Variants in RAB11FIP4 observed in about 807,000 individuals in gnomAD.
RAB11FIP4 encodes the protein RAB11 family interacting protein 4.
Under a neutral mutation model 74.3 loss-of-function variants are expected in RAB11FIP4, and 23 were observed. The observed-to-expected ratio is 0.31, with a 90% confidence interval of 0.22 to 0.44. The LOEUF is 0.44. Ranked by LOEUF, RAB11FIP4 falls within the 20% of genes least tolerant of loss-of-function variation. RAB11FIP4 has a pLI of 1.00. For synonymous variants in RAB11FIP4, 360 were observed against 359.9 expected (o/e 1.00, Z 0.00); for missense variants, 630 against 863.9 (o/e 0.73, Z 3.39).
intron 3 of RAB11FIP4, among the ~76,000 whole-genome samples, chr17:31,491,225 T>C (rs534343950): frequency 1.3e-5 from 2 of 152,242 alleles, no homozygotes; most frequent in Non-Finnish European, 2.9e-5. Flanking sequence ...ACACGGAGGC[T>C]TCCCCATTTC....
intron 3 of RAB11FIP4, among the ~76,000 whole-genome samples, chr17:31,468,031 A>C (rs1213915244): frequency 6.6e-6 from 1 of 152,134 alleles, no homozygotes; most frequent in African/African-American, 2.4e-5. Flanking sequence ...GAGCAGGTTT[A>C]TTCGGGGTGA....
In RAB11FIP4 at chr17:31,420,333, C is replaced by T. The variant is rs143956008; in HGVS notation, c.160-11480C>T. On this transcript the variant is annotated intron_variant, in intron 1 of 14. Transcript: ENST00000621161. ...GCAGCCTTGACCTCCCTGGCTCAAG[C>T]GATCCTCCCACCTCACCCAACCCCG... Among the ~76,000 whole-genome samples, 1,333 of 152,154 alleles carry T rather than the reference C, an allele frequency of 8.8e-3. 32 individuals are homozygous for T. Among genetic ancestry groups the T allele is most frequent in the Admixed American group, 0.039 (601 of 15,278 alleles).
At chr17:31,527,654 C>T in intron 10 of RAB11FIP4, 188 bp from the exon 11 acceptor site, 1 of 533,766 alleles carries the variant, frequency 1.9e-6, no homozygotes, top group East Asian at 3.1e-5. Context: ...ATAGTCCTTA[C>T]TATTTTGCTT....
At position 31,527,717 on chromosome 17, in the gene RAB11FIP4, T is replaced by G. The variant is rs901308417; in HGVS notation, c.1275-125T>G. On this transcript the variant is annotated intron_variant, in intron 10 of 14. Coordinates refer to ENST00000621161, the MANE Select transcript of RAB11FIP4 (RefSeq NM_032932.6). ...TGTCTTTGACATAATAATCATATTCTTTCTCTCAGTTGGTTTCTGGTATCT... is the reference window on the plus strand; with the variant it reads ...TGTCTTTGACATAATAATCATATTCGTTCTCTCAGTTGGTTTCTGGTATCT... 4.5e-6 allele frequency: 3 copies of G among 666,622 alleles called. No individual in the cohort carries two copies. The Admixed American group carries it at 9.1e-5, about 20-fold the overall frequency. 41.3% of individuals were successfully genotyped at this position (666,622 alleles called of 1,614,324 possible).
chr17:31,425,830 G>A (rs2071243840), intron 1 of RAB11FIP4, among the ~76,000 whole-genome samples: 1 of 152,194 alleles, frequency 6.6e-6, no homozygotes. Flanking sequence ...GCCCAGCCAC[G>A]CATGGTGTGT....
intron 3 of RAB11FIP4, among the ~76,000 whole-genome samples, chr17:31,499,251 G>T (rs1481340632): frequency 6.6e-6 from 1 of 152,182 alleles, no homozygotes; most frequent in South Asian, 2.1e-4. Context: ...CCAACTTTTT[G>T]TGTGACTCCA....
At chr17:31,447,140 C>T (rs377032715) in intron 3 of RAB11FIP4, among the ~76,000 whole-genome samples, 94 of 152,270 alleles carry the variant, frequency 6.2e-4, no homozygotes, top group African/African-American at 1.9e-3. Context: ...AAAAATTAGC[C>T]GGGCGTGGTG....
At chr17:31,436,190 C>T (rs553188490) in intron 3 of RAB11FIP4, among the ~76,000 whole-genome samples, 5 of 152,280 alleles carry the variant, frequency 3.3e-5, no homozygotes, top group Middle Eastern at 3.4e-3. Context: ...CCCCGCTGAG[C>T]GTCAGTGTCC....
intron 14 of RAB11FIP4, among the ~76,000 whole-genome samples, chr17:31,531,361 C>G (rs1183390328): frequency 6.6e-6 from 1 of 152,170 alleles, no homozygotes. Context: ...ACACCTGGGC[C>G]CCCTCTACAA....
At chr17:31,487,049 G>T (rs2071911442) in intron 3 of RAB11FIP4, among the ~76,000 whole-genome samples, 1 of 152,178 alleles carries the variant, frequency 6.6e-6, no homozygotes, top group Non-Finnish European at 1.5e-5. Context: ...CACTGGTCCT[G>T]CCCGTACCAA....
intron 10 of RAB11FIP4, chr17:31,527,427 C>A: frequency 6.3e-6 from 1 of 158,904 alleles, no homozygotes; most frequent in Non-Finnish European, 1.4e-5. Context: ...CATGGCAAAA[C>A]CCGTCTCTAC....
At chr17:31,500,519 T>C (rs1301418632) in intron 3 of RAB11FIP4, among the ~76,000 whole-genome samples, 4 of 152,320 alleles carry the variant, frequency 2.6e-5, no homozygotes, top group Middle Eastern at 3.4e-3. Flanking sequence ...GCTCCTTGTG[T>C]GAGGGCCTGT....
chr17:31,468,014 G>A (rs1253974215), intron 3 of RAB11FIP4, among the ~76,000 whole-genome samples: 1 of 152,230 alleles, frequency 6.6e-6, no homozygotes, highest in Non-Finnish European at 1.5e-5. Flanking sequence ...AAGGGGAAGG[G>A]GACAGAGAGC....
intron 3 of RAB11FIP4, chr17:31,488,426 C>T: frequency 1.2e-6 from 1 of 850,062 alleles, no homozygotes; most frequent in African/African-American, 1.8e-5. Context: ...GTAGAAGCCG[C>T]TGCCAGGTGC....
intron 3 of RAB11FIP4, among the ~76,000 whole-genome samples, chr17:31,455,941 A>G (rs1380050194): frequency 1.3e-5 from 2 of 152,198 alleles, no homozygotes; most frequent in Non-Finnish European, 2.9e-5. Context: ...TCCTGGGCTT[A>G]CAGGCAGAGG....
rs1019764809 is a variant in RAB11FIP4, at chr17:31,402,839, A to C, written c.159+10828A>C. Among the ~76,000 whole-genome samples the C allele has an allele frequency of 2.9e-3, 434 of 151,500 alleles. 4 individuals are homozygous for C. The highest frequency in any genetic ancestry group is 1.2e-3 in the Non-Finnish European group (81 of 67,866). ...ACGGGGTTTCACCGTGTTAGCCAGG[A>C]TGGTCTCGATCTCCTGACCTTGTGA... On this transcript the variant is annotated intron_variant, in intron 1 of 14. Transcript: ENST00000621161.
chr17:31,501,666 C>A (rs560765507), intron 3 of RAB11FIP4: 134 of 154,020 alleles, frequency 8.7e-4, no homozygotes, highest in Non-Finnish European at 1.6e-3. Context: ...GTAGCTGGGA[C>A]TACAGGCGCC....
In RAB11FIP4 at chr17:31,439,685, A is replaced by C. The variant is rs542489123; in HGVS notation, c.336+5563A>C. The stretch of plus-strand genomic sequence containing the variant: ...GAGTGCAGTGGCTCAATCTCAGCTC[A>C]CTGCAACCTCTGCCTCCCGGGCTCA... On this transcript the variant is annotated intron_variant, in intron 3 of 14. Transcript: ENST00000621161. Among the ~76,000 whole-genome samples, 5 of 152,180 alleles carry C rather than the reference A, an allele frequency of 3.3e-5. No individual in the cohort carries two copies. In the South Asian group the frequency reaches 8.3e-4, roughly 25 times the overall value.
At position 31,391,881 on chromosome 17, in the gene RAB11FIP4, C is replaced by T. The variant is rs1181096065; in HGVS notation, c.29C>T (p.Ala10Val). MAGGAGWSGAPAALLRSVRR... is the reference protein window; with the variant it reads MAGGAGWSGVPAALLRSVRR... ...GCGGGCGGCGCGGGCTGGTCGGGCG[C>T]CCCCGCGGCTCTGCTGCGCTCCGTG... The change falls in exon 1 of 15, where the codon GCC (alanine) becomes GTC (valine). Residue 10 changes from alanine to valine, a missense_variant. Physicochemically the swap from Ala to Val is moderately conservative, Grantham distance 64. Transcript: ENST00000621161. 4.2e-6 allele frequency: 5 copies of T among 1,194,308 alleles called. No individual in the cohort carries two copies. The highest frequency in any genetic ancestry group is 5.2e-6 in the Non-Finnish European group (5 of 966,750). 74.0% of individuals were successfully genotyped at this position (1,194,308 alleles called of 1,614,324 possible).
Sources: allele counts gnomAD v4.1 joint callset (sites outside exome capture counted in the v4.1 genomes callset), GRCh38; gene constraint gnomAD v4.1.1; transcripts MANE v1.5; gene names NCBI Gene and HGNC (gene_info 2026-07-23, HGNC 2026-07-21).